The following HGD variants were observed in gnomAD, a reference collection of about 807,000 sequenced individuals.
HGD encodes homogentisate 1,2-dioxygenase, also known as homogentisate oxidase.
In HGD, 61 loss-of-function variants were observed where a neutral mutation model predicts 60.8. That is an observed-to-expected ratio of 1.00 (90% CI 0.82 to 1.24). The LOEUF is 1.24. Ranked by LOEUF, HGD falls within the 50% of genes most tolerant of loss-of-function variation. The pLI is 0.00. For synonymous variants in HGD, 212 were observed against 187.7 expected, an observed-to-expected ratio of 1.13 and a Z score of -1.06; for missense variants, 542 against 547.1, an observed-to-expected ratio of 0.99 and a Z score of 0.09.
rs768150461 is a variant in HGD, at chr3:120,674,896, T to C, written c.176+5A>G. On this transcript the variant is annotated splice_donor_5th_base_variant and intron_variant, in intron 3 of 13. Transcript: ENST00000283871. ...TGCAGGTCAGAATTCATCTAATCCT[T>C]GTACCTTCTCTTATTGGTGCTCCGT... The C allele has an allele frequency of 1.9e-6, 3 of 1,594,824 alleles. No individual in the cohort carries two copies. The South Asian group carries it at 3.3e-5, about 18-fold the overall frequency.
At chr3:120,675,088 A>T (rs561061025) in intron 2 of HGD, 99 bp from the exon 3 acceptor site, 1 of 782,170 alleles carries the variant, frequency 1.3e-6, no homozygotes, top group South Asian at 1.4e-5. Flanking sequence ...GCTCTGGGCG[A>T]CTGCACATGA....
chr3:120,644,667 T>C (rs1053941005), intron 9 of HGD: 1 of 1,475,182 alleles, frequency 6.8e-7, no homozygotes. Context: ...TCTAAGGTTG[T>C]GGAGTGACTA....
chr3:120,647,183 A>C, intron 7 of HGD, 131 bp from the exon 8 acceptor site: 1 of 735,580 alleles, frequency 1.4e-6, no homozygotes, highest in Non-Finnish European at 2.5e-6. Context: ...TCTCTTGGGG[A>C]AAAAGATAAA....
At chr3:120,666,167 A>G (rs1264627874) in intron 4 of HGD, among the ~76,000 whole-genome samples, 1 of 152,210 alleles carries the variant, frequency 6.6e-6, no homozygotes, top group Admixed American at 6.5e-5. Flanking sequence ...ATAAACTGCT[A>G]CCTGGTTGGA....
intron 4 of HGD, among the ~76,000 whole-genome samples, chr3:120,657,818 TGAGAGAGAGA>T (rs71133511): frequency 6.8e-6 from 1 of 146,994 alleles, no homozygotes; most frequent in Non-Finnish European, 1.5e-5. Context: ...GGAACAGGAG[TGAGAGAGAGA>T]GAGAGAGAGA....
chr3:120,647,025 T>C lies in HGD; in HGVS notation c.497A>G (p.Tyr166Cys), dbSNP rs556610453. 1 of 1,614,070 alleles carries C rather than the reference T, an allele frequency of 6.2e-7. No individual in the cohort carries two copies. Among genetic ancestry groups the C allele is most frequent in the African/African-American group, 1.3e-5 (1 of 75,030 alleles). The change falls in exon 8 of 14, where the codon TAC (tyrosine) becomes TGC (cysteine). Residue 166 changes from tyrosine (Y) to cysteine (C), a missense_variant. Coordinates refer to ENST00000283871, the MANE Select transcript of HGD (RefSeq NM_000187.4). The part of the protein sequence containing the change: ...IVPQKGNLLI[Y>C]TEFGKMLVQP... The stretch of plus-strand genomic sequence containing the variant: ...TACAAGCATCTTGCCAAACTCGGTG[T>C]AAATGAGAAGGTTCCCTTTCTGCGG...
chr3:120,628,263 CTA>C lies in HGD; in HGVS notation c.*115_*116del. ...TCCATAAAAGTTCTGAGTTACTTGA[CTA>C]TGAAAAGTGAATTTTCATTTTAACC... On this transcript the variant is annotated 3_prime_UTR_variant, in exon 14 of 14. Transcript: ENST00000283871. 1 of 1,164,550 alleles carries C rather than the reference CTA, an allele frequency of 8.6e-7. No individual in the cohort carries two copies. Among genetic ancestry groups the C allele is most frequent in the Non-Finnish European group, 1.3e-6 (1 of 780,166 alleles). The allele number at this position is 1,164,550 out of a possible 1,614,324, so 72.1% of individuals were successfully genotyped here. A position where few individuals can be genotyped will look rare whatever the true frequency, so the allele number is the denominator to read the frequency against.
intron 1 of HGD, among the ~76,000 whole-genome samples, chr3:120,679,099 T>A (rs977955491): frequency 6.6e-6 from 1 of 152,264 alleles, no homozygotes; most frequent in African/African-American, 2.4e-5. Context: ...ACTTTCTAAA[T>A]GCAAGAATAA....
At chr3:120,633,893 T>A (rs1054521935) in intron 12 of HGD, among the ~76,000 whole-genome samples, 5 of 152,228 alleles carry the variant, frequency 3.3e-5, no homozygotes, top group Admixed American at 6.5e-5. Context: ...AGAATCTTGG[T>A]ATGTGTATAA....
rs1232597374 is a variant in HGD, at chr3:120,674,888, C to G, written c.176+13G>C. 2 of 1,577,890 alleles carry G rather than the reference C, an allele frequency of 1.3e-6. No individual in the cohort carries two copies. Among genetic ancestry groups the G allele is most frequent in the Admixed American group, 3.3e-5 (2 of 59,860 alleles). On this transcript the variant is annotated intron_variant, in intron 3 of 13. Transcript: ENST00000283871. ...CCACAGTCTGCAGGTCAGAATTCAT[C>G]TAATCCTTGTACCTTCTCTTATTGG...
At chr3:120,631,238 AAAAT>A (rs1416656377) in intron 13 of HGD, among the ~76,000 whole-genome samples, 3 of 152,190 alleles carry the variant, frequency 2.0e-5, no homozygotes, top group Admixed American at 1.3e-4. Flanking sequence ...ATAAAAGTTA[AAAAT>A]AAATAAAGAA....
chr3:120,659,207 C>T (rs1314939586), intron 4 of HGD, among the ~76,000 whole-genome samples: 1 of 152,250 alleles, frequency 6.6e-6, no homozygotes, highest in African/African-American at 2.4e-5. Flanking sequence ...TTACACTCTA[C>T]TTCCCTTTAA....
chr3:120,647,362 G>C (rs1259308068), intron 7 of HGD, among the ~76,000 whole-genome samples: 1 of 152,190 alleles, frequency 6.6e-6, no homozygotes, highest in Non-Finnish European at 1.5e-5. Context: ...GATAGTTCCA[G>C]TGAAAGGCTG....
At chr3:120,660,177 C>T (rs1941620730) in intron 4 of HGD, among the ~76,000 whole-genome samples, 1 of 152,214 alleles carries the variant, frequency 6.6e-6, no homozygotes, top group Non-Finnish European at 1.5e-5. Context: ...AGCCACTATG[C>T]TTCCTGTACA....
At chr3:120,663,639 A>G (rs111286424) in intron 4 of HGD, among the ~76,000 whole-genome samples, 19,054 of 152,132 alleles carry the variant, frequency 0.13, 1,351 homozygotes, top group Middle Eastern at 0.18. Context: ...GAACCCAGGG[A>G]AAAAAGGGGA....
intron 1 of HGD, among the ~76,000 whole-genome samples, chr3:120,680,662 A>G (rs1294811010): frequency 2.0e-5 from 3 of 152,260 alleles, no homozygotes; most frequent in Middle Eastern, 3.4e-3. Context: ...CCTCAGTTCT[A>G]TTCCCCTAGC....
rs548247088 is a variant in HGD at position 120,669,017 on chromosome 3, G to A, written c.282+1410C>T. Among the ~76,000 whole-genome samples, 15 of 152,254 alleles carry A rather than the reference G, an allele frequency of 9.9e-5. No homozygotes were observed. In the East Asian group the frequency reaches 1.2e-3, roughly 12 times the overall value. ...TTATCTTATATACTCTGCAAGCAGAGTACGTAAGTAATAACGATAATTAGA... is the reference window on the plus strand; with the variant it reads ...TTATCTTATATACTCTGCAAGCAGAATACGTAAGTAATAACGATAATTAGA... On this transcript the variant is annotated intron_variant, in intron 4 of 13. Coordinates refer to ENST00000283871, the MANE Select transcript of HGD (RefSeq NM_000187.4).
At chr3:120,674,773 G>T in intron 3 of HGD, 128 bp downstream of exon 3, 1 of 721,768 alleles carries the variant, frequency 1.4e-6, no homozygotes, top group Non-Finnish European at 2.6e-6. Flanking sequence ...CCATGACCCA[G>T]ACCATAGCCT....
intron 6 of HGD, 34 bp downstream of exon 6, chr3:120,650,740 T>C (rs991302234): frequency 2.0e-6 from 3 of 1,504,782 alleles, no homozygotes; most frequent in Non-Finnish European, 1.9e-6. Context: ...CCTTAGAAGA[T>C]GGGCATGTCC....
Sources: gnomAD v4.1 joint callset for allele counts (sites outside exome capture counted in the v4.1 genomes callset) on GRCh38, gnomAD v4.1.1 for gene constraint, MANE v1.5 for transcripts, NCBI Gene and HGNC (gene_info 2026-07-23, HGNC 2026-07-21) for gene names.